The following TENM2 variants were observed in gnomAD, a reference collection of about 807,000 sequenced individuals.
TENM2 encodes the protein teneurin transmembrane protein 2.
Under a neutral mutation model 245.2 loss-of-function variants are expected in TENM2, and 52 were observed. The ratio of observed to expected loss-of-function variants is 0.21; its 90% CI spans 0.17 to 0.27. TENM2 has a LOEUF of 0.27. Among genes scored for constraint, TENM2 ranks in the 10% least tolerant of loss-of-function variants. The probability of loss-of-function intolerance (pLI) is 1.00; values close to 1 mark genes in which losing one functional copy is unlikely to be tolerated. For synonymous variants in TENM2, 1,363 were observed against 1,438.9 expected (o/e 0.95, Z 1.19); for missense variants, 3,046 against 3,666.8 (o/e 0.83, Z 4.37).
At chr5:168,009,973 C>T (rs1236233049) in intron 5 of TENM2, among the ~76,000 whole-genome samples, 2 of 152,198 alleles carry the variant, frequency 1.3e-5, no homozygotes, top group African/African-American at 2.4e-5. Context: ...GCTGTCTTCA[C>T]TTCAGCCCAC....
At chr5:167,899,790 G>C (rs1775536484) in intron 3 of TENM2, among the ~76,000 whole-genome samples, 1 of 152,148 alleles carries the variant, frequency 6.6e-6, no homozygotes, top group African/African-American at 2.4e-5. Context: ...TTCCCTTTCT[G>C]GAGTGAATGT....
intron 7 of TENM2, among the ~76,000 whole-genome samples, chr5:168,069,111 G>A (rs1432990351): frequency 2.0e-5 from 3 of 152,042 alleles, no homozygotes; most frequent in Non-Finnish European, 2.9e-5. Flanking sequence ...CATTCATTTG[G>A]AATTCCACTC....
chr5:167,371,229 A>G (rs566000886), intron 1 of TENM2, among the ~76,000 whole-genome samples: 1 of 151,726 alleles, frequency 6.6e-6, no homozygotes, highest in African/African-American at 2.4e-5. Flanking sequence ...AACTAGATGA[A>G]CAGCTGGTGA....
chr5:167,377,333 C>T (rs7715979), intron 2 of TENM2, among the ~76,000 whole-genome samples: 129,206 of 152,092 alleles, frequency 0.85, 55,657 homozygotes, highest in African/African-American at 0.97. Flanking sequence ...TTCTTTCCTA[C>T]AGTACTAGTT....
rs77177878 is a variant in TENM2, at chr5:167,660,734, G to A, written c.503-215252G>A. On this transcript the variant is annotated intron_variant, in intron 2 of 28. Transcript: ENST00000518659. ...TTGTATTTCTGGAAATGCATGTTCC[G>A]AAGTTCTGACCTAAGTAGTAACTAG... Among the ~76,000 whole-genome samples the A allele has an allele frequency of 6.0e-3, 911 of 152,044 alleles. 7 individuals are homozygous for A. Among genetic ancestry groups the A allele is most frequent in the African/African-American group, 0.019 (792 of 41,486 alleles).
At chr5:167,912,532 A>G (rs565015031) in intron 3 of TENM2, among the ~76,000 whole-genome samples, 2 of 152,182 alleles carry the variant, frequency 1.3e-5, no homozygotes, top group South Asian at 4.1e-4. Flanking sequence ...AACTGAATCA[A>G]TTATACAACG....
At chr5:167,726,989 C>T (rs1760055012) in intron 2 of TENM2, among the ~76,000 whole-genome samples, 1 of 152,042 alleles carries the variant, frequency 6.6e-6, no homozygotes, top group Admixed American at 6.6e-5. Flanking sequence ...TGGATGAAAT[C>T]CCAGCAGTGC....
At chr5:167,895,211 T>G (rs1408102822) in intron 3 of TENM2, among the ~76,000 whole-genome samples, 1 of 152,062 alleles carries the variant, frequency 6.6e-6, no homozygotes, top group Non-Finnish European at 1.5e-5. Flanking sequence ...TCCCTCCTCC[T>G]CTTCCTCTCC....
intron 4 of TENM2, among the ~76,000 whole-genome samples, chr5:167,975,055 G>T (rs1421925825): frequency 6.6e-6 from 1 of 152,184 alleles, no homozygotes; most frequent in Non-Finnish European, 1.5e-5. Context: ...GTTTAATTCT[G>T]CCACTTGCAA....
chr5:166,987,420 GGTGTGTGTGT>G, the TENM2 span, among the ~76,000 whole-genome samples: 2 of 147,086 alleles, frequency 1.4e-5, no homozygotes, highest in African/African-American at 2.5e-5. Context: ...GTTTAGTAAG[GGTGTGTGTGT>G]GTGTGTGTGT....
rs754075355 is a variant in TENM2 at position 167,869,564 on chromosome 5, C to T, written c.503-6422C>T. Among the ~76,000 whole-genome samples, 204 of 152,198 alleles carry T rather than the reference C, an allele frequency of 1.3e-3. 1 individual carries two copies. The highest frequency in any genetic ancestry group is 8.5e-4 in the Admixed American group (13 of 15,284). On this transcript the variant is annotated intron_variant, in intron 2 of 28. Transcript: ENST00000518659. Reference sequence around the variant, plus strand: ...GGCTAAACAGATAGATATGCTTTGGCTTAACCCACTTTTCCAGTGGTGGTG... The same window carrying T: ...GGCTAAACAGATAGATATGCTTTGGTTTAACCCACTTTTCCAGTGGTGGTG...
intron 2 of TENM2, among the ~76,000 whole-genome samples, chr5:167,547,971 C>T (rs1376875649): frequency 6.6e-6 from 1 of 152,136 alleles, no homozygotes; most frequent in Non-Finnish European, 1.5e-5. Context: ...CGTAGCAAAT[C>T]AAGGAGTTTT....
At chr5:167,532,369 G>A (rs565595967) in intron 2 of TENM2, among the ~76,000 whole-genome samples, 6 of 151,876 alleles carry the variant, frequency 4.0e-5, no homozygotes, top group Admixed American at 2.0e-4. Context: ...AGACATACCC[G>A]AGACTGGGTA....
chr5:167,695,998 C>A (rs1210307135), intron 2 of TENM2, among the ~76,000 whole-genome samples: 1 of 151,046 alleles, frequency 6.6e-6, no homozygotes, highest in Non-Finnish European at 1.5e-5. Context: ...TGCACCACTG[C>A]ACTCCAGCCT....
chr5:167,368,119 G>A (rs1760174823), intron 1 of TENM2, among the ~76,000 whole-genome samples: 1 of 151,932 alleles, frequency 6.6e-6, no homozygotes, highest in African/African-American at 2.4e-5. Context: ...AAGAACAAAT[G>A]TTTCAAATTA....
At chr5:167,321,801 T>TGG (rs1343498230) in intron 1 of TENM2, among the ~76,000 whole-genome samples, 1 of 7,280 alleles carries the variant, frequency 1.4e-4, no homozygotes, top group Non-Finnish European at 2.9e-4. Flanking sequence ...TTTTTTTTTT[T>TGG]GGGGGGGGGG....
the TENM2 span, among the ~76,000 whole-genome samples, chr5:167,015,220 G>A: frequency 4.3e-4 from 65 of 152,144 alleles, no homozygotes; most frequent in Non-Finnish European, 7.6e-4. Context: ...TAGTTCAGTG[G>A]TTAAAAAAAC....
chr5:167,445,899 G>A lies in TENM2; in HGVS notation c.502+70426G>A, dbSNP rs185347087. On this transcript the variant is annotated intron_variant, in intron 2 of 28. Transcript: ENST00000518659. ...TCTTGACCACAGTCTGTTCAGTCTG[G>A]CCTGGTTTCTTCTTGGTGCTTATGT... Among the ~76,000 whole-genome samples the A allele has an allele frequency of 4.6e-5, 7 of 152,240 alleles. No individual in the cohort carries two copies. In the East Asian group the frequency reaches 1.4e-3, roughly 30 times the overall value.
At chr5:167,976,764 A>G (rs997499466) in intron 4 of TENM2, among the ~76,000 whole-genome samples, 3 of 152,238 alleles carry the variant, frequency 2.0e-5, no homozygotes, top group Admixed American at 1.3e-4. Context: ...TACAGTGCTT[A>G]GAGTGTAGGC....
Sources: gnomAD v4.1 joint callset for allele counts (sites outside exome capture counted in the v4.1 genomes callset) on GRCh38, gnomAD v4.1.1 for gene constraint, MANE v1.5 for transcripts, NCBI Gene and HGNC (gene_info 2026-07-23, HGNC 2026-07-21) for gene names.